FSIP2: variants seen among roughly 807,000 people sequenced by gnomAD.
FSIP2 encodes the protein fibrous sheath-interacting protein 2.
Under a neutral mutation model 510.5 loss-of-function variants are expected in FSIP2, and 367 were observed. The ratio of observed to expected loss-of-function variants is 0.72; its 90% CI spans 0.66 to 0.78. The LOEUF is 0.78. Among genes scored for constraint, FSIP2 ranks in the 30% least tolerant of loss-of-function variants. FSIP2 has a pLI of 0.00. For synonymous variants in FSIP2, 2,601 were observed against 2,732.2 expected, an observed-to-expected ratio of 0.95 and a Z score of 1.50; for missense variants, 7,594 against 7,901.7, an observed-to-expected ratio of 0.96 and a Z score of 1.48.
chr2:185,760,850 G>A (rs1212706211), intron 9 of FSIP2, 138 bp from the exon 10 acceptor site: 2 of 482,494 alleles, frequency 4.1e-6, no homozygotes, highest in South Asian at 3.6e-5. Flanking sequence ...TGAATGCAGT[G>A]ATGGTTTCAC....
Position 185,789,114 on chromosome 2 carries a change from T to A in FSIP2, c.1978T>A (p.Ser660Thr). The change falls in exon 16 of 23, where the codon TCT becomes ACT. Residue 660 changes from serine (S) to threonine (T), a missense_variant. Physicochemically the swap from Ser to Thr is moderately conservative, Grantham distance 58 (BLOSUM62 1). Transcript: ENST00000424728. Reference protein sequence around the residue: ...LASFETGTKKSKDATTETDSL... With the variant: ...LASFETGTKKTKDATTETDSL... Reference sequence around the variant, plus strand: ...ATCATTTGAAACAGGCACAAAAAAATCTAAGGATGCTACCACTGAAACAGA... The same window carrying A: ...ATCATTTGAAACAGGCACAAAAAAAACTAAGGATGCTACCACTGAAACAGA... The A allele has an allele frequency of 6.5e-7, 1 of 1,535,122 alleles. No individual in the cohort carries two copies.
At chr2:185,745,654 A>C in intron 5 of FSIP2, 86 bp downstream of exon 5, 2 of 1,175,400 alleles carry the variant, frequency 1.7e-6, no homozygotes, top group Non-Finnish European at 2.3e-6. Flanking sequence ...AAGACAATTT[A>C]AGTACTGGAC....
rs1421121144 is a variant in FSIP2, at chr2:185,792,247, G to T, written c.5111G>T (p.Gly1704Val). The change falls in exon 16 of 23, where the codon GGC (glycine) becomes GTC (valine). Residue 1704 changes from glycine (G) to valine (V), a missense_variant. Physicochemically the swap from Gly to Val is moderately radical, Grantham distance 109. Transcript: ENST00000424728. ...AATGAAATGGAATCTGAAGGGGGAG[G>T]CATTGAAACTTATCGATACAGGCCA... Reference protein sequence around the residue: ...MFNEMESEGGGIETYRYRPTY... With the variant: ...MFNEMESEGGVIETYRYRPTY... 4 of 1,533,066 alleles carry T rather than the reference G, an allele frequency of 2.6e-6. No homozygotes were observed. In the African/African-American group the frequency reaches 5.5e-5, roughly 21 times the overall value. The allele number at this position is 1,533,066 out of a possible 1,614,324, so 95.0% of individuals were successfully genotyped here.
chr2:185,755,652 T>C (rs1177130599), intron 8 of FSIP2, among the ~76,000 whole-genome samples: 2 of 151,568 alleles, frequency 1.3e-5, no homozygotes, highest in East Asian at 3.9e-4. Context: ...AAGAATCTGC[T>C]CAGTGATCAG....
At position 185,808,957 on chromosome 2, in the gene FSIP2, C is replaced by G; in HGVS notation, c.19651C>G (p.Leu6551Val). 1 of 1,609,882 alleles carries G rather than the reference C, an allele frequency of 6.2e-7. No homozygotes were observed. Among genetic ancestry groups the G allele is most frequent in the Admixed American group, 1.7e-5 (1 of 59,166 alleles). Residue 6551 changes from leucine (L) to valine (V), a missense_variant, in exon 17 of 23, where the codon CTT (leucine) becomes GTT (valine). Leu to Val is a conservative substitution (Grantham distance 32). Transcript: ENST00000424728. ...AGTTATTTCTATAAAAACTCAACCT[C>G]TTGAGAAACTTAAGCAGGAGTGTTT... ...LAVISIKTQP[L>V]EKLKQECLKR... is the part of the protein sequence containing the mutation.
In FSIP2 at chr2:185,803,009, G is replaced by A; in HGVS notation, c.13703G>A (p.Ser4568Asn). ...TCAGCTGTGCAAAATATCACAAGCA[G>A]TAATGACATTCTTATAGATAGAATA... ...QESAVQNITS[S>N]NDILIDRIAG... Residue 4568 changes from serine (S) to asparagine (N), a missense_variant, in exon 17 of 23, where the codon AGT becomes AAT. By Grantham distance (46) the Ser-to-Asn change is conservative. Coordinates refer to ENST00000424728, the MANE Select transcript of FSIP2 (RefSeq NM_173651.4). The A allele has an allele frequency of 6.5e-7, 1 of 1,530,448 alleles. No homozygotes were observed. Among genetic ancestry groups the A allele is most frequent in the Non-Finnish European group, 8.7e-7 (1 of 1,144,192 alleles). 94.8% of individuals were successfully genotyped at this position (1,530,448 alleles called of 1,614,324 possible).
At chr2:185,783,255 G>GT (rs1692894690) in intron 14 of FSIP2, among the ~76,000 whole-genome samples, 1 of 150,624 alleles carries the variant, frequency 6.6e-6, no homozygotes, top group African/African-American at 2.5e-5. Flanking sequence ...AGAAGAGATA[G>GT]TTGTTAAGCC....
intron 13 of FSIP2, among the ~76,000 whole-genome samples, chr2:185,781,638 G>C (rs1692850713): frequency 6.6e-6 from 1 of 152,102 alleles, no homozygotes; most frequent in South Asian, 2.1e-4. Flanking sequence ...CTATAGATTT[G>C]TGTTCTCACA....
Position 185,802,189 on chromosome 2 carries a change from C to T in FSIP2, c.12883C>T (p.Pro4295Ser). ...VLSEVIESHRPQKQSPLDIHL... is the reference protein window; with the variant it reads ...VLSEVIESHRSQKQSPLDIHL... Reference sequence around the variant, plus strand: ...GAGTGAAGTGATAGAGTCACACAGACCTCAGAAGCAATCACCTTTAGATAT... The same window carrying T: ...GAGTGAAGTGATAGAGTCACACAGATCTCAGAAGCAATCACCTTTAGATAT... Residue 4295 changes from proline (P) to serine (S), a missense_variant, in exon 17 of 23, where the codon CCT becomes TCT. Coordinates refer to ENST00000424728, the MANE Select transcript of FSIP2 (RefSeq NM_173651.4). 9 of 1,533,344 alleles carry T rather than the reference C, an allele frequency of 5.9e-6. No homozygotes were observed. The highest frequency in any genetic ancestry group is 7.9e-6 in the Non-Finnish European group (9 of 1,145,114). 95.0% of individuals were successfully genotyped at this position (1,533,344 alleles called of 1,614,324 possible). A position where few individuals can be genotyped will look rare whatever the true frequency, so the allele number is the denominator to read the frequency against.
chr2:185,793,697 G>A lies in FSIP2; in HGVS notation c.6561G>A (p.Leu2187=), dbSNP rs909648752. ...ATCCTACTTCTGCAAGATTGCCCCT[G>A]ACATTTTGTGATACGTTTCCAAAAA... The part of the protein sequence containing the change: ...AKNPTSARLP[L]TFCDTFPKID... The change falls in exon 16 of 23, where the codon CTG becomes CTA. Residue 2187 remains leucine (L), a synonymous_variant. Coordinates refer to ENST00000424728, the MANE Select transcript of FSIP2 (RefSeq NM_173651.4). 7.8e-6 allele frequency: 12 copies of A among 1,534,586 alleles called. No individual in the cohort carries two copies. The Middle Eastern group carries it at 5.0e-4, about 64-fold the overall frequency.
chr2:185,793,663 A>G lies in FSIP2; in HGVS notation c.6527A>G (p.Asn2176Ser). 1 of 1,534,810 alleles carries G rather than the reference A, an allele frequency of 6.5e-7. No individual in the cohort carries two copies. Among genetic ancestry groups the G allele is most frequent in the Non-Finnish European group, 8.7e-7 (1 of 1,145,858 alleles). The change falls in exon 16 of 23, where the codon AAT (asparagine) becomes AGT (serine). Residue 2176 changes from asparagine (N) to serine (S), a missense_variant. By Grantham distance (46) the Asn-to-Ser change is conservative. Transcript: ENST00000424728. ...NLSSAATLVI[N>S]AKNPTSARLP... ...AGTTCTGCTGCCACGCTTGTCATAA[A>G]TGCAAAGAATCCTACTTCTGCAAGA... is the stretch of plus-strand genomic sequence containing the variant.
In FSIP2 at chr2:185,794,713, C is replaced by A. The variant is rs1445356313; in HGVS notation, c.7577C>A (p.Thr2526Lys). 6 of 1,533,720 alleles carry A rather than the reference C, an allele frequency of 3.9e-6. No individual in the cohort carries two copies. In the African/African-American group the frequency reaches 6.9e-5, roughly 18 times the overall value. ...SNSKIKTSDT[T>K]QKNSFQSHIN... ...TCTAAGATTAAAACATCAGACACAACACAGAAAAACAGTTTTCAATCACAT... is the reference window on the plus strand; with the variant it reads ...TCTAAGATTAAAACATCAGACACAAAACAGAAAAACAGTTTTCAATCACAT... The change falls in exon 16 of 23, where the codon ACA (threonine) becomes AAA (lysine). Residue 2526 changes from threonine (T) to lysine (K), a missense_variant. Coordinates refer to ENST00000424728, the MANE Select transcript of FSIP2 (RefSeq NM_173651.4).
At position 185,739,010 on chromosome 2, in the gene FSIP2, T is replaced by G; in HGVS notation, c.99+17T>G. 6.5e-7 allele frequency: 1 copy of G among 1,528,650 alleles called. No homozygotes were observed. The highest frequency in any genetic ancestry group is 2.5e-5 in the East Asian group (1 of 40,804). 94.7% of individuals were successfully genotyped at this position (1,528,650 alleles called of 1,614,324 possible). ...TGCAGAGACGTGAGTGGCCGCAAGC[T>G]GGGCGGCGTCGCCCTCTGGCGGCCG... On this transcript the variant is annotated intron_variant, in intron 1 of 22. Transcript: ENST00000424728.
Position 185,796,719 on chromosome 2 carries a change from G to T in FSIP2, c.9583G>T (p.Asp3195Tyr). Reference sequence around the variant, plus strand: ...TGGGTTTGTGTTTTGTTCAGATGAAGATATGAAAGAAAAGTACAGGGTTTC... The same window carrying T: ...TGGGTTTGTGTTTTGTTCAGATGAATATATGAAAGAAAAGTACAGGGTTTC... ...KTGFVFCSDE[D>Y]MKEKYRVSSD... The change falls in exon 16 of 23, where the codon GAT becomes TAT. Residue 3195 changes from aspartate (D) to tyrosine (Y), a missense_variant. Transcript: ENST00000424728. 6.5e-7 allele frequency: 1 copy of T among 1,535,008 alleles called. No individual in the cohort carries two copies. The highest frequency in any genetic ancestry group is 8.7e-7 in the Non-Finnish European group (1 of 1,146,226).
intron 13 of FSIP2, among the ~76,000 whole-genome samples, chr2:185,780,744 T>C (rs1692832669): frequency 6.6e-6 from 1 of 152,096 alleles, no homozygotes; most frequent in Non-Finnish European, 1.5e-5. Context: ...TTGTTACTGT[T>C]ATATGTGAGC....
chr2:185,803,996 G>C lies in FSIP2; in HGVS notation c.14690G>C (p.Ser4897Thr). 2.0e-6 allele frequency: 3 copies of C among 1,496,286 alleles called. 1 individual carries two copies. The highest frequency in any genetic ancestry group is 2.5e-5 in the South Asian group (2 of 78,554). 92.7% of individuals were successfully genotyped at this position (1,496,286 alleles called of 1,614,324 possible). Reference sequence around the variant, plus strand: ...GACATACCTGTTTCAAAAATAGCGAGTTTTATAATAAAAGAAATCTTTAAC... The same window carrying C: ...GACATACCTGTTTCAAAAATAGCGACTTTTATAATAAAAGAAATCTTTAAC... ...ISDIPVSKIA[S>T]FIIKEIFNHH... Residue 4897 changes from serine (S) to threonine (T), a missense_variant, in exon 17 of 23, where the codon AGT becomes ACT. Coordinates refer to ENST00000424728, the MANE Select transcript of FSIP2 (RefSeq NM_173651.4).
chr2:185,779,391 A>C (rs945368346), intron 13 of FSIP2, among the ~76,000 whole-genome samples: 2 of 151,946 alleles, frequency 1.3e-5, no homozygotes, highest in Non-Finnish European at 2.9e-5. Context: ...TTATGGATAC[A>C]TAAAATCAGA....
chr2:185,739,094 G>T, intron 1 of FSIP2, 101 bp downstream of exon 1: 11 of 1,385,048 alleles, frequency 7.9e-6, no homozygotes, highest in Non-Finnish European at 1.0e-5. Flanking sequence ...GCTCCCAACT[G>T]TCCCCCGTCA....
chr2:185,829,372 A>G (rs1694069425), intron 21 of FSIP2, among the ~76,000 whole-genome samples: 3 of 151,922 alleles, frequency 2.0e-5, no homozygotes, highest in Admixed American at 2.0e-4. Flanking sequence ...GGGCAGGGGA[A>G]TCAAAACTCA....
Sources: allele counts gnomAD v4.1 joint callset (sites outside exome capture counted in the v4.1 genomes callset), GRCh38; gene constraint gnomAD v4.1.1; transcripts MANE v1.5; gene names NCBI Gene and HGNC (gene_info 2026-07-23, HGNC 2026-07-21).